The following SLC16A2 variants were observed in gnomAD, a reference collection of about 807,000 sequenced individuals.
SLC16A2 encodes the protein monocarboxylate transporter 8.
In SLC16A2, 3 loss-of-function variants were observed where a neutral mutation model predicts 27.2. The ratio of observed to expected loss-of-function variants is 0.11; its 90% CI spans 0.05 to 0.28. The LOEUF (loss-of-function observed/expected upper bound fraction) is 0.28. SLC16A2 is among the 10% of genes least tolerant of loss of function. The probability of loss-of-function intolerance (pLI) is 1.00; values close to 1 mark genes in which losing one functional copy is unlikely to be tolerated. For synonymous variants in SLC16A2, 202 were observed against 187.8 expected (o/e 1.08, Z -0.62); for missense variants, 295 against 458.5 (o/e 0.64, Z 3.26).
chrX:74,501,628 C>G (rs1402487074), intron 1 of SLC16A2, among the ~76,000 whole-genome samples: 7 of 111,243 alleles, frequency 6.3e-5, no homozygotes, highest in Non-Finnish European at 1.3e-4. Context: ...CACATGGACA[C>G]CATTAGCCAA....
intron 1 of SLC16A2, among the ~76,000 whole-genome samples, chrX:74,495,923 A>C (rs1430367070): frequency 4.5e-5 from 5 of 111,205 alleles, no homozygotes; most frequent in African/African-American, 1.6e-4. Flanking sequence ...GTCTAGACCC[A>C]GCCAAGTCCC....
At chrX:74,508,289 T>A (rs1279884373) in intron 1 of SLC16A2, among the ~76,000 whole-genome samples, 4 of 112,320 alleles carry the variant, frequency 3.6e-5, no homozygotes, top group South Asian at 7.3e-4. Context: ...TTGCATTGTA[T>A]CTACAGAACA....
intron 5 of SLC16A2, among the ~76,000 whole-genome samples, chrX:74,530,846 T>C (rs1159121850): frequency 1.8e-5 from 2 of 111,704 alleles, no homozygotes; most frequent in South Asian, 7.5e-4. Flanking sequence ...CAACCATATA[T>C]GTAACTGAAA....
intron 2 of SLC16A2, among the ~76,000 whole-genome samples, chrX:74,521,861 C>T (rs1930412808): frequency 8.9e-6 from 1 of 112,075 alleles, no homozygotes; most frequent in African/African-American, 3.2e-5. Context: ...AACCCTAGTC[C>T]CACTGGTTCC....
chrX:74,457,820 A>C (rs1459688933), intron 1 of SLC16A2, among the ~76,000 whole-genome samples: 2 of 111,163 alleles, frequency 1.8e-5, no homozygotes, highest in East Asian at 5.6e-4. Context: ...ACTTTGAGGG[A>C]CAGCCAGCAC....
chrX:74,434,113 T>C (rs1928579448), intron 1 of SLC16A2, among the ~76,000 whole-genome samples: 1 of 111,833 alleles, frequency 8.9e-6, no homozygotes, highest in Non-Finnish European at 1.9e-5. Context: ...CTTTGACCTA[T>C]GTTAGACTGG....
chrX:74,430,596 G>A lies in SLC16A2; in HGVS notation c.430+8529G>A, dbSNP rs539798202. Reference sequence around the variant, plus strand: ...TCTCTTCAAAATGCAAATCAAAACCGCAATGAGATACCATCTCACACCAGT... The same window carrying A: ...TCTCTTCAAAATGCAAATCAAAACCACAATGAGATACCATCTCACACCAGT... On this transcript the variant is annotated intron_variant, in intron 1 of 5. Transcript: ENST00000587091. Among the ~76,000 whole-genome samples the A allele has an allele frequency of 6.3e-5, 7 of 111,738 alleles. No individual in the cohort carries two copies. In the East Asian group the frequency reaches 8.4e-4, roughly 13 times the overall value.
intron 1 of SLC16A2, among the ~76,000 whole-genome samples, chrX:74,519,747 GAAAGAA>G (rs370725414): frequency 0.088 from 7,208 of 82,272 alleles, 1,143 homozygotes; most frequent in Non-Finnish European, 0.12. Flanking sequence ...AAAAACGAAA[GAAAGAA>G]AAAGAAAAAG....
At chrX:74,504,207 A>G (rs1314507743) in intron 1 of SLC16A2, among the ~76,000 whole-genome samples, 1 of 112,070 alleles carries the variant, frequency 8.9e-6, no homozygotes, top group East Asian at 2.8e-4. Context: ...TTGACATTAA[A>G]TTACAAAGGT....
At chrX:74,484,938 C>T (rs768009243) in intron 1 of SLC16A2, among the ~76,000 whole-genome samples, 1 of 111,637 alleles carries the variant, frequency 9.0e-6, no homozygotes, top group African/African-American at 3.3e-5. Flanking sequence ...TTATTTTGGC[C>T]GGGTGCAGTG....
intron 1 of SLC16A2, among the ~76,000 whole-genome samples, chrX:74,517,044 G>T (rs888434147): frequency 4.5e-5 from 5 of 111,866 alleles, no homozygotes; most frequent in Admixed American, 2.8e-4. Context: ...GTAACACAAA[G>T]GAGATCTTTG....
At chrX:74,483,035 A>G (rs1929652907) in intron 1 of SLC16A2, among the ~76,000 whole-genome samples, 1 of 111,328 alleles carries the variant, frequency 9.0e-6, no homozygotes, top group Non-Finnish European at 1.9e-5. Flanking sequence ...AGCTTCCTTT[A>G]GGTCTTTGAA....
chrX:74,467,696 A>G (rs2030988254), intron 1 of SLC16A2, among the ~76,000 whole-genome samples: 1 of 112,084 alleles, frequency 8.9e-6, no homozygotes, highest in Non-Finnish European at 1.9e-5. Context: ...AAATTCTACC[A>G]GTTTAAAAAA....
At chrX:74,480,622 C>T (rs1929596942) in intron 1 of SLC16A2, among the ~76,000 whole-genome samples, 1 of 112,525 alleles carries the variant, frequency 8.9e-6, no homozygotes, top group African/African-American at 3.2e-5. Flanking sequence ...TCCATCTTGG[C>T]TCCACCCTCA....
intron 1 of SLC16A2, among the ~76,000 whole-genome samples, chrX:74,502,735 C>T (rs950734177): frequency 8.9e-6 from 1 of 111,925 alleles, no homozygotes; most frequent in Non-Finnish European, 1.9e-5. Context: ...CCTCTAACCT[C>T]CTTCTCCTGC....
At chrX:74,495,905 A>G (rs1929924706) in intron 1 of SLC16A2, among the ~76,000 whole-genome samples, 1 of 110,984 alleles carries the variant, frequency 9.0e-6, no homozygotes, top group African/African-American at 3.3e-5. Flanking sequence ...CCATGGTGGG[A>G]GAGTGGGGTC....
At position 74,421,817 on chromosome X, in the gene SLC16A2, C is replaced by T. The variant is rs1290606997; in HGVS notation, c.180C>T (p.Asp60=). The change falls in exon 1 of 6, where the codon GAC becomes GAT. Residue 60 remains aspartate, a synonymous_variant. Transcript: ENST00000587091. The stretch of plus-strand genomic sequence containing the variant: ...AGCCGGAGCCCCAGCCCCTACCGGA[C>T]CCCGCACCCCTGCCGGAGCTGGAGT... ...EPQPEPQPLP[D]PAPLPELEFE... is the part of the protein sequence containing the mutation. 8.5e-7 allele frequency: 1 copy of T among 1,177,112 alleles called. No individual in the cohort carries two copies.
At chrX:74,508,356 CTTCTT>C (rs936756154) in intron 1 of SLC16A2, among the ~76,000 whole-genome samples, 1 of 111,761 alleles carries the variant, frequency 8.9e-6, no homozygotes, top group African/African-American at 3.2e-5. Flanking sequence ...ATTTATTTGT[CTTCTT>C]TAATTTCTCT....
At chrX:74,508,048 T>G (rs1930166458) in intron 1 of SLC16A2, among the ~76,000 whole-genome samples, 2 of 112,178 alleles carry the variant, frequency 1.8e-5, no homozygotes, top group Admixed American at 9.5e-5. Context: ...AGTTCTATTT[T>G]TAGTTTTTTG....
Sources: gnomAD v4.1 joint callset for allele counts (sites outside exome capture counted in the v4.1 genomes callset) on GRCh38, gnomAD v4.1.1 for gene constraint, MANE v1.5 for transcripts, NCBI Gene and HGNC (gene_info 2026-07-23, HGNC 2026-07-21) for gene names.